The following OR2AP1 variants were observed in gnomAD, a reference collection of about 807,000 sequenced individuals.
OR2AP1 encodes the protein olfactory receptor 2AP1.
A neutral mutation model predicts 13.9 loss-of-function variants in OR2AP1; 20 were observed. The ratio of observed to expected loss-of-function variants is 1.44; its 90% CI spans 1.01 to 2.09. The LOEUF is 2.09. Among genes scored for constraint, OR2AP1 ranks in the 30% most tolerant of loss-of-function variants. The pLI is 0.00. For synonymous variants in OR2AP1, 174 were observed against 137.0 expected (o/e 1.27, Z -1.89); for missense variants, 490 against 360.6 (o/e 1.36, Z -2.91).
Position 55,575,581 on chromosome 12 carries a change from A to C in OR2AP1, c.*237A>C, listed in dbSNP as rs2135881582. 3.1e-6 allele frequency: 1 copy of C among 320,260 alleles called. No individual in the cohort carries two copies. Among genetic ancestry groups the C allele is most frequent in the Non-Finnish European group, 5.9e-6 (1 of 168,282 alleles). 19.8% of individuals were successfully genotyped at this position (320,260 alleles called of 1,614,324 possible). On this transcript the variant is annotated 3_prime_UTR_variant, in exon 2 of 2. Transcript: ENST00000641114. ...AAAAAACCGAACACCACATATTCTCACTCATAGGTGGGAACTGAACAATGA... is the reference window on the plus strand; with the variant it reads ...AAAAAACCGAACACCACATATTCTCCCTCATAGGTGGGAACTGAACAATGA...
intron 1 of OR2AP1, among the ~76,000 whole-genome samples, 165 bp downstream of exon 1, chr12:55,572,787 T>A (rs534874674): frequency 6.6e-6 from 1 of 152,218 alleles, no homozygotes; most frequent in African/African-American, 2.4e-5. Context: ...TGATCCCTGA[T>A]TTCAACTGTT....
In OR2AP1 at chr12:55,574,954, G is replaced by A. The variant is rs1159020338; in HGVS notation, c.540G>A (p.Glu180=). The change falls in exon 2 of 2, where the codon GAG becomes GAA. Residue 180 remains glutamate, a synonymous_variant. Coordinates refer to ENST00000641114, the MANE Select transcript of OR2AP1 (RefSeq NM_001258285.2). The stretch of plus-strand genomic sequence containing the variant: ...TGAATCATTACTTCTGTGACTATGA[G>A]CCTCTTCTGGAACTCTCATGTTCAG... ...NRLNHYFCDY[E]PLLELSCSDT... 1 of 1,537,702 alleles carries A rather than the reference G, an allele frequency of 6.5e-7. No individual in the cohort carries two copies. The highest frequency in any genetic ancestry group is 8.7e-7 in the Non-Finnish European group (1 of 1,146,932).
In OR2AP1 at chr12:55,575,248, A is replaced by G. The variant is rs1457713673; in HGVS notation, c.834A>G (p.Ser278=). 6.4e-7 allele frequency: 1 copy of G among 1,561,408 alleles called. No homozygotes were observed. Among genetic ancestry groups the G allele is most frequent in the South Asian group, 1.2e-5 (1 of 86,374 alleles). The change falls in exon 2 of 2, where the codon TCA becomes TCG. Residue 278 remains serine (S), a synonymous_variant. Transcript: ENST00000641114. Reference sequence around the variant, plus strand: ...AGGGAGTAGCTCTACTCATTACTTCAGTTGCTCCTTTGTTGAACCCCTTTA... The same window carrying G: ...AGGGAGTAGCTCTACTCATTACTTCGGTTGCTCCTTTGTTGAACCCCTTTA... ...FNKGVALLIT[S]VAPLLNPFIY... is the part of the protein sequence containing the mutation.
rs939502328 is a variant in OR2AP1 at position 55,574,979 on chromosome 12, G to A, written c.565G>A (p.Asp189Asn). The change falls in exon 2 of 2, where the codon GAC becomes AAC. Residue 189 changes from aspartate (D) to asparagine (N), a missense_variant. By Grantham distance (23) the Asp-to-Asn change is conservative. Coordinates refer to ENST00000641114, the MANE Select transcript of OR2AP1 (RefSeq NM_001258285.2). ...YEPLLELSCS[D>N]TSLIEKVVFL... ...GCCTCTTCTGGAACTCTCATGTTCA[G>A]ACACAAGCCTCATAGAGAAGGTTGT... is the stretch of plus-strand genomic sequence containing the variant. 5.9e-6 allele frequency: 9 copies of A among 1,537,316 alleles called. No homozygotes were observed. In the African/African-American group the frequency reaches 1.2e-4, roughly 21 times the overall value.
At chr12:55,573,182 T>TAC (rs889691510) in intron 1 of OR2AP1, among the ~76,000 whole-genome samples, 1 of 119,982 alleles carries the variant, frequency 8.3e-6, no homozygotes, top group Admixed American at 7.8e-5. Context: ...TGGCTCAAAA[T>TAC]ACATATATAT....
At chr12:55,573,186 TA>T in intron 1 of OR2AP1, among the ~76,000 whole-genome samples, 1 of 51,456 alleles carries the variant, frequency 1.9e-5, no homozygotes, top group Non-Finnish European at 3.7e-5. Flanking sequence ...TCAAAATACA[TA>T]TATATATATA....
intron 1 of OR2AP1, among the ~76,000 whole-genome samples, chr12:55,573,184 C>CAT (rs3064656): frequency 1.2e-3 from 184 of 149,712 alleles, no homozygotes; most frequent in East Asian, 5.7e-3. Context: ...GCTCAAAATA[C>CAT]ATATATATAT....
Position 55,574,446 on chromosome 12 carries a change from T to A in OR2AP1, c.32T>A (p.Ile11Asn). 6.5e-7 allele frequency: 1 copy of A among 1,532,306 alleles called. No individual in the cohort carries two copies. The highest frequency in any genetic ancestry group is 1.2e-5 in the South Asian group (1 of 83,146). The allele number at this position is 1,532,306 out of a possible 1,614,324, so 94.9% of individuals were successfully genotyped here. The change falls in exon 2 of 2, where the codon ATC becomes AAC. Residue 11 changes from isoleucine (I) to asparagine (N), a missense_variant. By Grantham distance (149) the Ile-to-Asn change is moderately radical. Transcript: ENST00000641114. MKNKTVLTEF[I>N]LLGLTDVPEL... is the part of the protein sequence containing the mutation. ...AATAAAACCGTGTTAACTGAGTTTA[T>A]CCTTCTGGGTCTAACAGATGTCCCT... is the stretch of plus-strand genomic sequence containing the variant.
Position 55,574,525 on chromosome 12 carries a change from C to A in OR2AP1, c.111C>A (p.Ile37=), listed in dbSNP as rs182617694. The A allele has an allele frequency of 1.7e-5, 26 of 1,538,042 alleles. No homozygotes were observed. In the Admixed American group the frequency reaches 3.1e-4, roughly 19 times the overall value. The change falls in exon 2 of 2, where the codon ATC becomes ATA. Residue 37 remains isoleucine (I), a synonymous_variant. Coordinates refer to ENST00000641114, the MANE Select transcript of OR2AP1 (RefSeq NM_001258285.2). ...TTTTCCTTGCGTATTTACTCAGCAT[C>A]CTTGGAAATCTGACTATCCTCATCC... ...TFLFLAYLLS[I]LGNLTILILT...
In OR2AP1 at chr12:55,575,052, T is replaced by C. The variant is rs1284092416; in HGVS notation, c.638T>C (p.Ile213Thr). Residue 213 changes from isoleucine (I) to threonine (T), a missense_variant, in exon 2 of 2, where the codon ATT becomes ACT. Ile to Thr is a moderately conservative substitution (Grantham distance 89). Coordinates refer to ENST00000641114, the MANE Select transcript of OR2AP1 (RefSeq NM_001258285.2). The stretch of plus-strand genomic sequence containing the variant: ...CTGGTGGTCACTCTGGTGCTAGTGA[T>C]TCTCTCCTATGCATTCATTATCAAG... ...VTLVVTLVLV[I>T]LSYAFIIKTI... is the part of the protein sequence containing the mutation. 3 of 1,541,834 alleles carry C rather than the reference T, an allele frequency of 1.9e-6. No individual in the cohort carries two copies. The highest frequency in any genetic ancestry group is 2.6e-6 in the Non-Finnish European group (3 of 1,148,786).
At position 55,574,634 on chromosome 12, in the gene OR2AP1, A is replaced by C; in HGVS notation, c.220A>C (p.Ile74Leu). ...CTTCTTGGAAATTTCCTTCACAAAC[A>C]TCTTCATTCCAAGGGTCCTGATTAG... ...FSFLEISFTNIFIPRVLISIT... is the reference protein window; with the variant it reads ...FSFLEISFTNLFIPRVLISIT... Residue 74 changes from isoleucine to leucine, a missense_variant, in exon 2 of 2, where the codon ATC (isoleucine) becomes CTC (leucine). Ile to Leu is a conservative substitution (Grantham distance 5). Transcript: ENST00000641114. The C allele has an allele frequency of 6.5e-7, 1 of 1,543,024 alleles. No individual in the cohort carries two copies. The highest frequency in any genetic ancestry group is 8.7e-7 in the Non-Finnish European group (1 of 1,148,564).
intron 1 of OR2AP1, among the ~76,000 whole-genome samples, chr12:55,573,837 A>C (rs1228182668): frequency 6.6e-6 from 1 of 152,204 alleles, no homozygotes; most frequent in African/African-American, 2.4e-5. Flanking sequence ...ATAGGCTAAG[A>C]AGTTGGAGGG....
rs2135881596 is a variant in OR2AP1, at chr12:55,575,598, G to T, written c.*254G>T. 3.5e-6 allele frequency: 1 copy of T among 285,652 alleles called. No individual in the cohort carries two copies. The highest frequency in any genetic ancestry group is 3.7e-5 in the South Asian group (1 of 27,316). The allele number at this position is 285,652 out of a possible 1,614,324, so 17.7% of individuals were successfully genotyped here. On this transcript the variant is annotated 3_prime_UTR_variant, in exon 2 of 2. Coordinates refer to ENST00000641114, the MANE Select transcript of OR2AP1 (RefSeq NM_001258285.2). ...ATATTCTCACTCATAGGTGGGAACT[G>T]AACAATGAGAACACATGGACACAGG... is the stretch of plus-strand genomic sequence containing the variant.
rs1477162138 is a variant in OR2AP1 at position 55,574,777 on chromosome 12, T to A, written c.363T>A (p.Tyr121Ter). The A allele has an allele frequency of 8.1e-6, 13 of 1,607,446 alleles. No individual in the cohort carries two copies. The highest frequency in any genetic ancestry group is 1.0e-5 in the Non-Finnish European group (12 of 1,176,950). ...TGGCTGCCATGTCCTATGACCGCTA[T>A]GTGGCCATCTGCAAACCTCTGCATT... is the stretch of plus-strand genomic sequence containing the variant. ...YLLAAMSYDR[Y>*]VAICKPLHYT... The change falls in exon 2 of 2, where the codon TAT becomes TAA. Residue 121 changes from tyrosine (Y) to a stop codon, truncating the protein, a stop_gained. Transcript: ENST00000641114. LOFTEE classifies it high-confidence loss of function.
chr12:55,575,164 C>G lies in OR2AP1; in HGVS notation c.750C>G (p.Tyr250Ter), dbSNP rs769889250. 2 of 1,601,692 alleles carry G rather than the reference C, an allele frequency of 1.2e-6. No individual in the cohort carries two copies. The highest frequency in any genetic ancestry group is 8.5e-7 in the Non-Finnish European group (1 of 1,178,440). The change falls in exon 2 of 2, where the codon TAC becomes TAG. Residue 250 changes from tyrosine to a stop codon, truncating the protein, a stop_gained. Transcript: ENST00000641114. LOFTEE classifies it high-confidence loss of function. ...ACATGATTGTCATCTCCCTCTCTTA[C>G]GGAAGCTGCATGTTTATGTACATTA... ...SSHMIVISLS[Y>*]GSCMFMYINP...
At chr12:55,574,032 A>T (rs1874486296) in intron 1 of OR2AP1, among the ~76,000 whole-genome samples, 188 bp from the exon 2 acceptor site, 1 of 152,208 alleles carries the variant, frequency 6.6e-6, no homozygotes, top group South Asian at 2.1e-4. Flanking sequence ...GGGATCAATG[A>T]GAAATAAAGT....
rs1565727914 is a variant in OR2AP1, at chr12:55,575,206, A to G, written c.792A>G (p.Glu264=). The G allele has an allele frequency of 6.3e-7, 1 of 1,591,060 alleles. No individual in the cohort carries two copies. The highest frequency in any genetic ancestry group is 1.1e-5 in the South Asian group (1 of 89,360). Residue 264 remains glutamate (E), a synonymous_variant, in exon 2 of 2, where the codon GAA becomes GAG. Transcript: ENST00000641114. ...TGTACATTAATCCCTCTGCAAAAGA[A>G]GGGGATACATTCAACAAGGGAGTAG... ...MFMYINPSAK[E]GDTFNKGVAL... is the part of the protein sequence containing the mutation.
rs1366155738 is a variant in OR2AP1 at position 55,574,874 on chromosome 12, A to G, written c.460A>G (p.Ile154Val). 3.9e-6 allele frequency: 6 copies of G among 1,554,560 alleles called. No homozygotes were observed. The highest frequency in any genetic ancestry group is 1.2e-5 in the South Asian group (1 of 84,994). ...FCSWLGGLMA[I>V]IPTITLMSQQ... ...CTCTTGGCTGGGTGGGCTAATGGCT[A>G]TTATACCAACAATCACCCTGATGAG... Residue 154 changes from isoleucine to valine, a missense_variant, in exon 2 of 2, where the codon ATT (isoleucine) becomes GTT (valine). Coordinates refer to ENST00000641114, the MANE Select transcript of OR2AP1 (RefSeq NM_001258285.2).
chr12:55,574,167 G>A (rs773056610), intron 1 of OR2AP1, 53 bp from the exon 2 acceptor site: 4 of 448,612 alleles, frequency 8.9e-6, no homozygotes, highest in East Asian at 3.6e-5. Context: ...CCTCATGTGA[G>A]CACTAGGGAG....
Sources: allele counts gnomAD v4.1 joint callset (sites outside exome capture counted in the v4.1 genomes callset), GRCh38; gene constraint gnomAD v4.1.1; transcripts MANE v1.5; gene names NCBI Gene and HGNC (gene_info 2026-07-23, HGNC 2026-07-21).